The following FAT4 variants were observed in gnomAD, a reference collection of about 807,000 sequenced individuals.
The protein encoded by FAT4 is FAT atypical cadherin 4.
In FAT4, 84 loss-of-function variants were observed where a neutral mutation model predicts 303.9. That is an observed-to-expected ratio of 0.28 (90% CI 0.23 to 0.33). The LOEUF (loss-of-function observed/expected upper bound fraction) is 0.33, where lower values mean the gene tolerates loss of function less well. Ranked by LOEUF, FAT4 falls within the 10% of genes least tolerant of loss-of-function variation. FAT4 has a pLI of 1.00. For missense variants in FAT4, 6,005 were observed against 6,146.8 expected, an observed-to-expected ratio of 0.98 and a Z score of 0.77; for synonymous variants, 2,307 against 2,298.8, an observed-to-expected ratio of 1.00 and a Z score of -0.10.
intron 8 of FAT4, among the ~76,000 whole-genome samples, chr4:125,445,811 A>C (rs945426141): frequency 3.3e-5 from 5 of 152,158 alleles, no homozygotes; most frequent in African/African-American, 1.2e-4. Flanking sequence ...AGTTGTTCTG[A>C]GAAGCAGATA....
In FAT4 at chr4:125,383,386, A is replaced by G. The variant is rs1198694742; in HGVS notation, c.5176-15398A>G. ...GGGAGGCCCTAGGAGAAGGTGAGAA[A>G]TGGAAGAATGGCTGGACAGTAGAGG... On this transcript the variant is annotated intron_variant, in intron 2 of 17. Transcript: ENST00000394329. Among the ~76,000 whole-genome samples the G allele has an allele frequency of 6.6e-5, 10 of 152,106 alleles. 1 individual carries two copies. In the South Asian group the frequency reaches 1.9e-3, roughly 28 times the overall value.
At chr4:125,480,566 G>A (rs1727191431) in intron 15 of FAT4, among the ~76,000 whole-genome samples, 1 of 151,948 alleles carries the variant, frequency 6.6e-6, no homozygotes, top group African/African-American at 2.4e-5. Flanking sequence ...GCAGGTATCT[G>A]ACTACATTTA....
intron 17 of FAT4, 124 bp from the exon 18 acceptor site, chr4:125,489,773 TTCTG>T (rs1727539499): frequency 1.4e-6 from 1 of 694,120 alleles, no homozygotes; most frequent in African/African-American, 1.8e-5. Context: ...AGACTGAGGT[TTCTG>T]TATTCATGTA....
At chr4:125,419,153 T>C (rs1443716602) in intron 7 of FAT4, among the ~76,000 whole-genome samples, 1 of 152,194 alleles carries the variant, frequency 6.6e-6, no homozygotes, top group East Asian at 1.9e-4. Flanking sequence ...TATATGAAAG[T>C]TTATTGATCA....
chr4:125,349,149 C>T (rs1732123196), intron 2 of FAT4, among the ~76,000 whole-genome samples: 1 of 151,604 alleles, frequency 6.6e-6, no homozygotes, highest in Admixed American at 6.6e-5. Context: ...ATATAAAAGG[C>T]ATTTTTGTTG....
At chr4:125,390,941 A>G (rs1236070653) in intron 2 of FAT4, among the ~76,000 whole-genome samples, 1 of 152,224 alleles carries the variant, frequency 6.6e-6, no homozygotes, top group East Asian at 1.9e-4. Flanking sequence ...ACTGATAATC[A>G]GAGAGATGCA....
At chr4:125,324,786 C>T (rs532189804) in intron 2 of FAT4, among the ~76,000 whole-genome samples, 1 of 152,128 alleles carries the variant, frequency 6.6e-6, no homozygotes, top group East Asian at 1.9e-4. Flanking sequence ...GTAAGCATGT[C>T]TTGTCTATTG....
chr4:125,463,601 A>C lies in FAT4; in HGVS notation c.11839A>C (p.Asn3947His). Residue 3947 changes from asparagine to histidine, a missense_variant, in exon 11 of 18, where the codon AAC becomes CAC. By Grantham distance (68) the Asn-to-His change is moderately conservative. Transcript: ENST00000394329. ...ATCTTCAGTCAATTACTGTGAATGC[A>C]ACCCCTGCTTTAATGGTGGTTCCTG... ...CESSVNYCEC[N>H]PCFNGGSCQS... The C allele has an allele frequency of 6.2e-7, 1 of 1,600,952 alleles. No homozygotes were observed. The highest frequency in any genetic ancestry group is 8.5e-7 in the Non-Finnish European group (1 of 1,172,174).
intron 2 of FAT4, chr4:125,393,936 A>G: frequency 1.3e-6 from 1 of 780,118 alleles, no homozygotes; most frequent in South Asian, 1.3e-5. Context: ...AGCTACCTAA[A>G]TGGTAACAAC....
At chr4:125,351,480 G>T (rs1356842922) in intron 2 of FAT4, among the ~76,000 whole-genome samples, 1 of 151,678 alleles carries the variant, frequency 6.6e-6, no homozygotes, top group Admixed American at 6.6e-5. Flanking sequence ...TGTCTCTTAA[G>T]AAATTATTTT....
At chr4:125,340,519 T>TG (rs1192156550) in intron 2 of FAT4, among the ~76,000 whole-genome samples, 1 of 152,172 alleles carries the variant, frequency 6.6e-6, no homozygotes, top group Non-Finnish European at 1.5e-5. Context: ...CTGGAGAAGC[T>TG]GGGACTACAG....
chr4:125,374,250 A>T (rs1733231751), intron 2 of FAT4, among the ~76,000 whole-genome samples: 1 of 152,148 alleles, frequency 6.6e-6, no homozygotes, highest in Non-Finnish European at 1.5e-5. Flanking sequence ...GTAAAAGGAA[A>T]CTGAGTGTAA....
Position 125,315,750 on chromosome 4 carries a change from C to T in FAT4, c.-240C>T, listed in dbSNP as rs1272770702. On this transcript the variant is annotated 5_prime_UTR_variant, in exon 1 of 18. Transcript: ENST00000394329. ...GAACGCTAGCGCTTGGAACGCAGTTCCCGAACTGCCTGCGCGCAGACGCCG... is the reference window on the plus strand; with the variant it reads ...GAACGCTAGCGCTTGGAACGCAGTTTCCGAACTGCCTGCGCGCAGACGCCG... Among the ~76,000 whole-genome samples the T allele has an allele frequency of 2.6e-5, 4 of 152,168 alleles. No individual in the cohort carries two copies. Among genetic ancestry groups the T allele is most frequent in the Admixed American group, 1.3e-4 (2 of 15,280 alleles).
At chr4:125,367,339 A>G (rs1453088820) in intron 2 of FAT4, among the ~76,000 whole-genome samples, 1 of 152,150 alleles carries the variant, frequency 6.6e-6, no homozygotes, top group Admixed American at 6.5e-5. Context: ...TAAACATTCT[A>G]TGAAACATCA....
At chr4:125,396,916 ATG>A (rs1560797339) in intron 2 of FAT4, among the ~76,000 whole-genome samples, 2 of 50,724 alleles carry the variant, frequency 3.9e-5, no homozygotes, top group African/African-American at 2.0e-4. Flanking sequence ...ATGTATGTGT[ATG>A]TGTGTGTGTA....
chr4:125,338,376 T>G (rs1731652025), intron 2 of FAT4, among the ~76,000 whole-genome samples: 1 of 152,190 alleles, frequency 6.6e-6, no homozygotes, highest in African/African-American at 2.4e-5. Context: ...GTTCTTATGT[T>G]TTATTGTGGA....
At chr4:125,447,167 G>A (rs1725855202) in intron 9 of FAT4, among the ~76,000 whole-genome samples, 1 of 151,844 alleles carries the variant, frequency 6.6e-6, no homozygotes, top group African/African-American at 2.4e-5. Context: ...TTTAAATTTA[G>A]TTTGACATTT....
chr4:125,490,519 G>C lies in FAT4; in HGVS notation c.13703G>C (p.Gly4568Ala). 6.2e-7 allele frequency: 1 copy of C among 1,614,044 alleles called. No individual in the cohort carries two copies. The highest frequency in any genetic ancestry group is 1.1e-5 in the South Asian group (1 of 91,068). ...GACCCTGACAATATCCCTCCCTATG[G>C]GGATGACATGACTGTGAGGAAGCAG... ...FDDPDNIPPY[G>A]DDMTVRKQPE... Residue 4568 changes from glycine to alanine, a missense_variant, in exon 18 of 18, where the codon GGG becomes GCG. Gly to Ala is a moderately conservative substitution (Grantham distance 60). Coordinates refer to ENST00000394329, the MANE Select transcript of FAT4 (RefSeq NM_001291303.3).
In FAT4 at chr4:125,452,211, A is replaced by AT. The variant is rs1314412769; in HGVS notation, c.11207dup (p.Leu3736PhefsTer22). On this transcript the variant is annotated frameshift_variant, in exon 10 of 18. Coordinates refer to ENST00000394329, the MANE Select transcript of FAT4 (RefSeq NM_001291303.3). LOFTEE classifies it high-confidence loss of function. ...GACTTCTTGACCAACCACTATCTTC[A>AT]TTTTTTACGCATTGCCAGCTCACAG... The AT allele has an allele frequency of 1.2e-6, 2 of 1,613,986 alleles. No homozygotes were observed. Among genetic ancestry groups the AT allele is most frequent in the Non-Finnish European group, 1.7e-6 (2 of 1,180,020 alleles).
Sources: allele counts gnomAD v4.1 joint callset (sites outside exome capture counted in the v4.1 genomes callset), GRCh38; gene constraint gnomAD v4.1.1; transcripts MANE v1.5; gene names NCBI Gene and HGNC (gene_info 2026-07-23, HGNC 2026-07-21).